The following SGIP1 variants were observed in gnomAD, a reference collection of about 807,000 sequenced individuals.
SGIP1 encodes the protein SH3-containing GRB2-like protein 3-interacting protein 1.
Under a neutral mutation model 107.5 loss-of-function variants are expected in SGIP1, and 38 were observed. The ratio of observed to expected loss-of-function variants is 0.35; its 90% CI spans 0.27 to 0.46. The LOEUF is 0.46. SGIP1 is among the 20% of genes least tolerant of loss of function. SGIP1 has a pLI of 1.00. For missense variants in SGIP1, 929 were observed against 1,019.5 expected (o/e 0.91, Z 1.21); for synonymous variants, 365 against 366.1 (o/e 1.00, Z 0.03).
chr1:66,542,733 T>C (rs2055295739), intron 1 of SGIP1, among the ~76,000 whole-genome samples: 2 of 152,200 alleles, frequency 1.3e-5, no homozygotes, highest in East Asian at 1.9e-4. Context: ...TGTGGGTAAC[T>C]GAACCCACAG....
intron 1 of SGIP1, among the ~76,000 whole-genome samples, chr1:66,553,153 A>C (rs2057681012): frequency 6.6e-6 from 1 of 152,130 alleles, no homozygotes; most frequent in Admixed American, 6.6e-5. Flanking sequence ...GGGTAGGCAG[A>C]AAGCTGGGGG....
chr1:66,631,055 GA>G (rs1423328518), intron 2 of SGIP1, among the ~76,000 whole-genome samples: 2 of 93,330 alleles, frequency 2.1e-5, no homozygotes, highest in Non-Finnish European at 4.8e-5. Flanking sequence ...AAGAAAGAAA[GA>G]AAGAAAGAAA....
intron 1 of SGIP1, among the ~76,000 whole-genome samples, chr1:66,538,639 G>A (rs914855185): frequency 3.9e-5 from 6 of 152,148 alleles, no homozygotes; most frequent in African/African-American, 1.4e-4. Context: ...CTGAAAGTTT[G>A]TTTGTGAGCT....
chr1:66,732,998 C>A (rs1373521423), intron 20 of SGIP1, among the ~76,000 whole-genome samples: 1 of 152,122 alleles, frequency 6.6e-6, no homozygotes, highest in Non-Finnish European at 1.5e-5. Flanking sequence ...TTGCCTGATT[C>A]TTTTTATCAT....
rs1257194279 is a variant in SGIP1 at position 66,750,847 on chromosome 1, T to C, written c.*7752T>C. ...GTGACAGGAAAGTGTGTAATTGACTTGTTGAAGATAATCATGAGACCATCT... is the reference window on the plus strand; with the variant it reads ...GTGACAGGAAAGTGTGTAATTGACTCGTTGAAGATAATCATGAGACCATCT... On this transcript the variant is annotated 3_prime_UTR_variant, in exon 25 of 25. Transcript: ENST00000371037. Among the ~76,000 whole-genome samples the C allele has an allele frequency of 6.6e-6, 1 of 152,234 alleles. No homozygotes were observed. The highest frequency in any genetic ancestry group is 1.5e-5 in the Non-Finnish European group (1 of 68,042).
At chr1:66,625,747 T>C in intron 1 of SGIP1, 100 bp from the exon 2 acceptor site, 1 of 1,003,512 alleles carries the variant, frequency 1.0e-6, no homozygotes, top group East Asian at 2.5e-5. Context: ...ACTTCATTGC[T>C]TTCTAAACAT....
chr1:66,547,984 G>A (rs2056721241), intron 1 of SGIP1, among the ~76,000 whole-genome samples: 1 of 152,110 alleles, frequency 6.6e-6, no homozygotes, highest in South Asian at 2.1e-4. Context: ...AAGGACAAGA[G>A]GGAAGCCAGC....
intron 1 of SGIP1, among the ~76,000 whole-genome samples, chr1:66,591,088 T>C (rs2063545455): frequency 6.6e-6 from 1 of 152,210 alleles, no homozygotes; most frequent in Non-Finnish European, 1.5e-5. Context: ...TCGTCTGTGT[T>C]CATTGACTTT....
At chr1:66,603,111 T>C (rs963606728) in intron 1 of SGIP1, among the ~76,000 whole-genome samples, 1 of 152,168 alleles carries the variant, frequency 6.6e-6, no homozygotes, top group African/African-American at 2.4e-5. Flanking sequence ...CTAAAATAGA[T>C]GATAAATGTT....
chr1:66,740,531 T>TG, intron 22 of SGIP1, 127 bp from the exon 23 acceptor site: 2 of 668,292 alleles, frequency 3.0e-6, no homozygotes, highest in African/African-American at 1.8e-5. Context: ...GACAGGGAAT[T>TG]TTTAAATTGT....
intron 1 of SGIP1, among the ~76,000 whole-genome samples, chr1:66,604,267 G>C (rs755579512): frequency 2.0e-4 from 30 of 151,972 alleles, no homozygotes; most frequent in Non-Finnish European, 2.9e-4. Context: ...TCTGAGTTTC[G>C]TCTCATAATG....
intron 18 of SGIP1, among the ~76,000 whole-genome samples, chr1:66,709,603 G>T (rs374509222): frequency 6.6e-6 from 1 of 152,046 alleles, no homozygotes; most frequent in Non-Finnish European, 1.5e-5. Flanking sequence ...CAATAATATT[G>T]TTCCTCCCCT....
intron 1 of SGIP1, among the ~76,000 whole-genome samples, chr1:66,552,376 T>G (rs894021848): frequency 6.6e-6 from 1 of 152,088 alleles, no homozygotes; most frequent in Non-Finnish European, 1.5e-5. Flanking sequence ...CACCTCACCT[T>G]TCTTTTCTGC....
chr1:66,741,721 T>C (rs914953440), intron 24 of SGIP1, among the ~76,000 whole-genome samples: 10 of 152,156 alleles, frequency 6.6e-5, no homozygotes, highest in Non-Finnish European at 1.2e-4. Context: ...AATCCTACTT[T>C]TATTATATTG....
At chr1:66,588,025 G>A (rs917755930) in intron 1 of SGIP1, among the ~76,000 whole-genome samples, 2 of 151,958 alleles carry the variant, frequency 1.3e-5, no homozygotes, top group African/African-American at 4.8e-5. Flanking sequence ...AAAATCATGG[G>A]GGTATTACTT....
rs1327669484 is a variant in SGIP1, at chr1:66,746,526, C to A, written c.*3431C>A. On this transcript the variant is annotated 3_prime_UTR_variant, in exon 25 of 25. Transcript: ENST00000371037. ...CTTTATAAGCAAACTTGTAAAAACA[C>A]AGTAATTGAATGATATACAATAAAA... 1 of 152,074 alleles carries A rather than the reference C, an allele frequency of 6.6e-6. No homozygotes were observed. The highest frequency in any genetic ancestry group is 1.5e-5 in the Non-Finnish European group (1 of 67,966). The allele number at this position is 152,074 out of a possible 1,614,324, so 9.4% of individuals were successfully genotyped here.
At chr1:66,722,206 A>C (rs1467481745) in intron 19 of SGIP1, among the ~76,000 whole-genome samples, 2 of 152,084 alleles carry the variant, frequency 1.3e-5, no homozygotes, top group Non-Finnish European at 2.9e-5. Context: ...CCTTCGTGAA[A>C]TCTTCTCCTA....
chr1:66,699,554 A>G (rs1050462352), intron 18 of SGIP1, among the ~76,000 whole-genome samples: 6 of 152,146 alleles, frequency 3.9e-5, no homozygotes, highest in African/African-American at 1.4e-4. Context: ...ACCTCTGGCC[A>G]CATCCTGGAA....
intron 1 of SGIP1, among the ~76,000 whole-genome samples, chr1:66,586,428 TACTTGA>T (rs542464935): frequency 7.0e-4 from 106 of 152,280 alleles, no homozygotes; most frequent in African/African-American, 2.4e-3. Flanking sequence ...TCCTGAAGGT[TACTTGA>T]ACATGTTTTT....
Sources: gnomAD v4.1 joint callset for allele counts (sites outside exome capture counted in the v4.1 genomes callset) on GRCh38, gnomAD v4.1.1 for gene constraint, MANE v1.5 for transcripts, NCBI Gene and HGNC (gene_info 2026-07-23, HGNC 2026-07-21) for gene names.